CRTC1: variants seen among roughly 807,000 people sequenced by gnomAD.
The protein encoded by CRTC1 is CREB-regulated transcription coactivator 1.
Under a neutral mutation model 66.1 loss-of-function variants are expected in CRTC1, and 18 were observed. That is an observed-to-expected ratio of 0.27 (90% CI 0.19 to 0.40). CRTC1 has a LOEUF of 0.40. CRTC1 is among the 10% of genes least tolerant of loss of function. CRTC1 has a pLI of 1.00. For missense variants in CRTC1, 669 were observed against 887.9 expected, an observed-to-expected ratio of 0.75 and a Z score of 3.13; for synonymous variants, 416 against 398.8, an observed-to-expected ratio of 1.04 and a Z score of -0.51.
chr19:18,697,522 C>A (rs777288317), intron 1 of CRTC1, among the ~76,000 whole-genome samples: 4 of 152,218 alleles, frequency 2.6e-5, no homozygotes, highest in East Asian at 1.9e-4. Context: ...GTTGGCCAGG[C>A]TGGTCTCCAA....
At position 18,768,426 on chromosome 19, in the gene CRTC1, G is replaced by A. The variant is rs1351284091; in HGVS notation, c.1012-59G>A. ...TGAGCATGCCAGGCTATGGGGGCCC[G>A]AGGGGGCCAGGCGCTGACAACCAGG... On this transcript the variant is annotated intron_variant, in intron 9 of 13. Transcript: ENST00000321949. The surrounding 1 kb of genome is among the most constrained non-coding windows in gnomAD (Gnocchi z 5.6). 4.6e-5 allele frequency: 68 copies of A among 1,474,508 alleles called. No individual in the cohort carries two copies. Among genetic ancestry groups the A allele is most frequent in the Non-Finnish European group, 5.8e-5 (62 of 1,075,364 alleles). 91.3% of individuals were successfully genotyped at this position (1,474,508 alleles called of 1,614,324 possible). A position where few individuals can be genotyped will look rare whatever the true frequency, so the allele number is the denominator to read the frequency against.
intron 1 of CRTC1, among the ~76,000 whole-genome samples, chr19:18,704,882 A>G (rs2053226274): frequency 6.6e-6 from 1 of 151,028 alleles, no homozygotes; most frequent in Non-Finnish European, 1.5e-5. Context: ...TGTCCCCATT[A>G]AACACTCACC....
At chr19:18,767,272 C>T (rs1175214248) in intron 9 of CRTC1, among the ~76,000 whole-genome samples, 2 of 151,970 alleles carry the variant, frequency 1.3e-5, no homozygotes, top group Non-Finnish European at 2.9e-5. Flanking sequence ...GCTCTTGGCT[C>T]TCCTGCAGCC....
chr19:18,775,336 G>GGGA (rs1235255568), intron 12 of CRTC1, among the ~76,000 whole-genome samples: 1 of 152,246 alleles, frequency 6.6e-6, no homozygotes, highest in African/African-American at 2.4e-5. Flanking sequence ...CGGGTTTGCC[G>GGGA]GGAGGTCGTG....
intron 6 of CRTC1, among the ~76,000 whole-genome samples, chr19:18,756,599 G>A (rs530391084): frequency 7.0e-6 from 1 of 142,604 alleles, no homozygotes; most frequent in African/African-American, 2.7e-5. Flanking sequence ...GGGCAACAGA[G>A]CAAGACCCTG....
chr19:18,744,091 G>A (rs369756605), intron 2 of CRTC1: 42 of 1,612,956 alleles, frequency 2.6e-5, no homozygotes, highest in South Asian at 3.3e-5. Context: ...CAAAGTCTCG[G>A]TTCTTTGCAT....
Position 18,768,507 on chromosome 19 carries a change from C to T in CRTC1, c.1034C>T (p.Ser345Phe). 1.2e-6 allele frequency: 2 copies of T among 1,610,022 alleles called. No homozygotes were observed. Among genetic ancestry groups the T allele is most frequent in the Non-Finnish European group, 1.7e-6 (2 of 1,179,354 alleles). Residue 345 changes from serine to phenylalanine, a missense_variant, in exon 10 of 14, where the codon TCT (serine) becomes TTT (phenylalanine). By Grantham distance (155) the Ser-to-Phe change is radical. Transcript: ENST00000321949. The surrounding 1 kb of genome is among the most constrained non-coding windows in gnomAD (Gnocchi z 5.6). ...CAGGCTGTAGCCATGGACGCCCTGT[C>T]TCTGGAGCAGCAGCTGCCCTACGCC... ...ITQAVAMDAL[S>F]LEQQLPYAFF...
chr19:18,683,889 C>G, intron 1 of CRTC1, 61 bp downstream of exon 1: 2 of 671,620 alleles, frequency 3.0e-6, no homozygotes, highest in South Asian at 4.6e-5. Context: ...GGGCGCGTGT[C>G]CGGCGCGTGC....
intron 1 of CRTC1, among the ~76,000 whole-genome samples, chr19:18,695,978 A>C (rs946835962): frequency 1.3e-5 from 2 of 152,208 alleles, no homozygotes; most frequent in South Asian, 2.1e-4. Flanking sequence ...CCCTGGTGTC[A>C]GGCCCTGTGT....
intron 5 of CRTC1, among the ~76,000 whole-genome samples, chr19:18,750,785 C>T (rs765645285): frequency 1.4e-4 from 21 of 152,150 alleles, no homozygotes; most frequent in Non-Finnish European, 2.6e-4. Flanking sequence ...GCAGCAGAGA[C>T]GGGAGGGAGA....
chr19:18,751,594 T>C (rs564679663), intron 5 of CRTC1, among the ~76,000 whole-genome samples: 88 of 152,260 alleles, frequency 5.8e-4, no homozygotes, highest in Admixed American at 4.6e-4. Context: ...GAAAGGCACT[T>C]TCAGGCCCGG....
rs1386406468 is a variant in CRTC1, at chr19:18,771,919, TGGG to T, written c.1425+376_1425+378del. Reference sequence around the variant, plus strand: ...TGGAGCTTTAGGGACCCCCCCGACTTGGGGGTGCAGCTGAGGTGGCTGGCCCGC... The same window carrying T: ...TGGAGCTTTAGGGACCCCCCCGACTTGGTGCAGCTGAGGTGGCTGGCCCGC... On this transcript the variant is annotated intron_variant, in intron 11 of 13. Coordinates refer to ENST00000321949, the MANE Select transcript of CRTC1 (RefSeq NM_015321.3). This position sits in a 1 kb window ranked among gnomAD's most constrained non-coding sequence, Gnocchi z 4.6. 1.3e-5 allele frequency among the ~76,000 whole-genome samples: 2 copies of T among 152,164 alleles called. No individual in the cohort carries two copies. The highest frequency in any genetic ancestry group is 2.9e-5 in the Non-Finnish European group (2 of 68,022).
intron 2 of CRTC1, among the ~76,000 whole-genome samples, chr19:18,743,523 C>T (rs942372955): frequency 1.1e-4 from 16 of 152,240 alleles, no homozygotes; most frequent in African/African-American, 3.4e-4. Context: ...CTTCCCTGTC[C>T]CTGGTCTGCG....
rs560165635 is a variant in CRTC1, at chr19:18,700,649, A to G, written c.126+16821A>G. ...TGCAGAGGGTGGGTGGGTGCATGCC[A>G]GCTGGTCATTCGCCCGGAAATCTCT... On this transcript the variant is annotated intron_variant, in intron 1 of 13. Transcript: ENST00000321949. Among the ~76,000 whole-genome samples the G allele has an allele frequency of 8.3e-3, 1,270 of 152,314 alleles. 13 individuals are homozygous for G. The highest frequency in any genetic ancestry group is 0.013 in the Non-Finnish European group (901 of 68,018).
intron 1 of CRTC1, among the ~76,000 whole-genome samples, chr19:18,728,514 T>A (rs140590605): frequency 2.4e-4 from 37 of 152,224 alleles, no homozygotes; most frequent in African/African-American, 6.0e-4. Flanking sequence ...CCTCTTTTTT[T>A]AATTTTTTTG....
rs779624303 is a variant in CRTC1, at chr19:18,753,512, C to T, written c.551C>T (p.Thr184Ile). 1 of 1,610,998 alleles carries T rather than the reference C, an allele frequency of 6.2e-7. No homozygotes were observed. Among genetic ancestry groups the T allele is most frequent in the Non-Finnish European group, 8.5e-7 (1 of 1,178,356 alleles). Residue 184 changes from threonine to isoleucine, a missense_variant, in exon 6 of 14, where the codon ACA (threonine) becomes ATA (isoleucine). Thr to Ile is a moderately conservative substitution (Grantham distance 89, BLOSUM62 -1). This residue lies in a region of CRTC1 where 214 missense variants were observed against 323.4 expected (regional missense o/e 0.66). Coordinates refer to ENST00000321949, the MANE Select transcript of CRTC1 (RefSeq NM_015321.3). ...DVHQKRVLLL[T>I]VPGMEETTSE... is the part of the protein sequence containing the mutation. Reference sequence around the variant, plus strand: ...CCCACCTCCCCAGTCTTACTGTTAACAGTCCCAGGAATGGAAGAGACCACA... The same window carrying T: ...CCCACCTCCCCAGTCTTACTGTTAATAGTCCCAGGAATGGAAGAGACCACA...
chr19:18,691,620 A>C lies in CRTC1; in HGVS notation c.126+7792A>C, dbSNP rs1158613224. Among the ~76,000 whole-genome samples, 3 of 151,904 alleles carry C rather than the reference A, an allele frequency of 2.0e-5. No homozygotes were observed. In the East Asian group the frequency reaches 5.8e-4, roughly 29 times the overall value. ...GCAGAGATTGGAGCGATGTGGTCAC[A>C]AGTCAAGGAATGCCCAGAGCCCCCA... On this transcript the variant is annotated intron_variant, in intron 1 of 13. Transcript: ENST00000321949.
chr19:18,772,627 C>A (rs2054895415), intron 11 of CRTC1, among the ~76,000 whole-genome samples: 1 of 152,194 alleles, frequency 6.6e-6, no homozygotes, highest in African/African-American at 2.4e-5. Context: ...ACAGTGAAGC[C>A]CCTCTGCCCC....
In CRTC1 at chr19:18,771,660, A is replaced by C; in HGVS notation, c.1425+114A>C. ...TGCATCGCTCCTCATGCATGTCCTC[A>C]TGCATCCCATCCCGTCCACGCCATC... On this transcript the variant is annotated intron_variant, in intron 11 of 13. Coordinates refer to ENST00000321949, the MANE Select transcript of CRTC1 (RefSeq NM_015321.3). This position sits in a 1 kb window ranked among gnomAD's most constrained non-coding sequence, Gnocchi z 4.6. The C allele has an allele frequency of 1.3e-6, 1 of 793,018 alleles. No homozygotes were observed. The highest frequency in any genetic ancestry group is 2.1e-6 in the Non-Finnish European group (1 of 478,060). 49.1% of individuals were successfully genotyped at this position (793,018 alleles called of 1,614,324 possible). A position where few individuals can be genotyped will look rare whatever the true frequency, so the allele number is the denominator to read the frequency against.
Sources: allele counts gnomAD v4.1 joint callset (sites outside exome capture counted in the v4.1 genomes callset), GRCh38; gene constraint gnomAD v4.1.1; regional missense constraint gnomAD v4.1.1; non-coding constraint Gnocchi (gnomAD v3.1); transcripts MANE v1.5; gene names NCBI Gene and HGNC (gene_info 2026-07-23, HGNC 2026-07-21).